Variants in DMGDH observed in about 807,000 individuals in gnomAD.
DMGDH encodes dimethylglycine dehydrogenase, also known as dimethylglycine dehydrogenase, mitochondrial.
DMGDH carries 76 observed loss-of-function variants against 95.2 expected under a neutral mutation model. The ratio of observed to expected loss-of-function variants is 0.80; its 90% CI spans 0.66 to 0.97. The LOEUF is 0.97. Ranked by LOEUF, DMGDH falls within the 50% of genes least tolerant of loss-of-function variation. The pLI, the probability that DMGDH is intolerant of heterozygous loss-of-function variation, is 0.00. For synonymous variants in DMGDH, 345 were observed against 377.6 expected, an observed-to-expected ratio of 0.91 and a Z score of 1.00; for missense variants, 987 against 1,055.0, an observed-to-expected ratio of 0.94 and a Z score of 0.89.
chr5:79,054,340 T>TCCCAC lies in DMGDH; in HGVS notation c.379_383dup (p.Phe129TrpfsTer16). ...GTCTGATACTACCTGGCTGATGGAATCCCACCACCTGTGACAATAATTCCA... is the reference window on the plus strand; with the variant it reads ...GTCTGATACTACCTGGCTGATGGAATCCCACCCCACCACCTGTGACAATAATTCCA... On this transcript the variant is annotated frameshift_variant, in exon 4 of 16. Coordinates refer to ENST00000255189, the MANE Select transcript of DMGDH (RefSeq NM_013391.3). LOFTEE classifies it high-confidence loss of function. The TCCCAC allele has an allele frequency of 6.2e-7, 1 of 1,614,058 alleles. No homozygotes were observed. Among genetic ancestry groups the TCCCAC allele is most frequent in the Middle Eastern group, 1.6e-4 (1 of 6,062 alleles).
At chr5:79,035,149 C>G (rs1754311906) in intron 7 of DMGDH, among the ~76,000 whole-genome samples, 1 of 151,568 alleles carries the variant, frequency 6.6e-6, no homozygotes, top group Admixed American at 6.6e-5. Flanking sequence ...ATGGGGCATC[C>G]AAGTTATCCA....
chr5:79,055,758 CAT>C lies in DMGDH; in HGVS notation c.375+50_375+51del, dbSNP rs3215302. On this transcript the variant is annotated intron_variant, in intron 3 of 15. Transcript: ENST00000255189. ...GCATCAAAATCCTTCAGAAATCTTACATGTTTCTGAGAAGCCGACCTAACAGA... is the reference window on the plus strand; with the variant it reads ...GCATCAAAATCCTTCAGAAATCTTACGTTTCTGAGAAGCCGACCTAACAGA... The C allele has an allele frequency of 0.039, 46,264 of 1,194,552 alleles. 2,688 individuals carry two copies. Among genetic ancestry groups the C allele is most frequent in the African/African-American group, 0.18 (12,310 of 67,140 alleles). The allele number at this position is 1,194,552 out of a possible 1,614,324, so 74.0% of individuals were successfully genotyped here. A position where few individuals can be genotyped will look rare whatever the true frequency, so the allele number is the denominator to read the frequency against.
rs1187567198 is a variant in DMGDH at position 79,055,857 on chromosome 5, A to G, written c.328T>C (p.Tyr110His). 1.2e-5 allele frequency: 19 copies of G among 1,612,720 alleles called. No homozygotes were observed. Among genetic ancestry groups the G allele is most frequent in the Non-Finnish European group, 1.6e-5 (19 of 1,178,746 alleles). Reference sequence around the variant, plus strand: ...TTCTCATAAAGTTTGATGCTATCATAATGTATTTTCTTCAAGTTTATTCCA... The same window carrying G: ...TTCTCATAAAGTTTGATGCTATCATGATGTATTTTCTTCAAGTTTATTCCA... ...HPGINLKKIHYDSIKLYEKLE... is the reference protein window; with the variant it reads ...HPGINLKKIHHDSIKLYEKLE... Residue 110 changes from tyrosine to histidine, a missense_variant, in exon 3 of 16, where the codon TAT becomes CAT. Transcript: ENST00000255189.
At chr5:79,065,356 C>T (rs931048740) in intron 1 of DMGDH, among the ~76,000 whole-genome samples, 2 of 151,454 alleles carry the variant, frequency 1.3e-5, no homozygotes, top group African/African-American at 2.4e-5. Context: ...GGATTACAGA[C>T]ACGTACCACC....
At chr5:79,000,785 C>A in intron 15 of DMGDH, 1 of 634,820 alleles carries the variant, frequency 1.6e-6, no homozygotes, top group Non-Finnish European at 2.9e-6. Context: ...AGAAACTTAG[C>A]CTGGATCCCA....
At chr5:79,069,134 G>T (rs569827316) in intron 1 of DMGDH, among the ~76,000 whole-genome samples, 25 of 151,134 alleles carry the variant, frequency 1.7e-4, no homozygotes, top group African/African-American at 4.8e-4. Context: ...AAACTATGCA[G>T]CCATTAAAAG....
At chr5:79,063,015 C>G (rs186052796) in intron 2 of DMGDH, among the ~76,000 whole-genome samples, 1 of 152,186 alleles carries the variant, frequency 6.6e-6, no homozygotes, top group East Asian at 1.9e-4. Flanking sequence ...TCGCTTGAAC[C>G]TGGGAGGCGG....
chr5:79,012,598 A>G (rs1753663823), intron 14 of DMGDH, among the ~76,000 whole-genome samples: 1 of 152,238 alleles, frequency 6.6e-6, no homozygotes, highest in Non-Finnish European at 1.5e-5. Flanking sequence ...CCACCCTTGC[A>G]GCAGGCTTCT....
intron 6 of DMGDH, among the ~76,000 whole-genome samples, 154 bp from the exon 7 acceptor site, chr5:79,042,635 A>G (rs571305712): frequency 2.0e-5 from 3 of 152,338 alleles, no homozygotes; most frequent in Admixed American, 2.0e-4. Flanking sequence ...ATTCCCTATC[A>G]ACAGATGAGT....
At chr5:79,067,072 C>A (rs561157798) in intron 1 of DMGDH, among the ~76,000 whole-genome samples, 5 of 152,130 alleles carry the variant, frequency 3.3e-5, no homozygotes, top group Non-Finnish European at 7.4e-5. Context: ...GGTTTCTAAT[C>A]CATTACTAGT....
At chr5:79,057,833 A>G (rs1335062241) in intron 2 of DMGDH, among the ~76,000 whole-genome samples, 3 of 152,178 alleles carry the variant, frequency 2.0e-5, no homozygotes, top group Non-Finnish European at 4.4e-5. Context: ...TCTGGTCATC[A>G]CAAGCACTGG....
At chr5:79,035,189 A>G (rs1026869151) in intron 7 of DMGDH, among the ~76,000 whole-genome samples, 2 of 152,226 alleles carry the variant, frequency 1.3e-5, no homozygotes, top group Non-Finnish European at 2.9e-5. Flanking sequence ...TTAAGAAAGC[A>G]AGAAAAATTA....
chr5:79,055,407 G>A (rs1754998458), intron 3 of DMGDH, among the ~76,000 whole-genome samples: 1 of 152,080 alleles, frequency 6.6e-6, no homozygotes, highest in African/African-American at 2.4e-5. Flanking sequence ...ATATGAGAAG[G>A]GATAAACATG....
chr5:79,066,121 TATTTAA>T (rs1755372357), intron 1 of DMGDH, among the ~76,000 whole-genome samples: 1 of 152,214 alleles, frequency 6.6e-6, no homozygotes, highest in African/African-American at 2.4e-5. Context: ...CTATAGTCCA[TATTTAA>T]ATTTAATCAA....
At chr5:79,034,157 G>A (rs1290583318) in intron 7 of DMGDH, among the ~76,000 whole-genome samples, 1 of 152,026 alleles carries the variant, frequency 6.6e-6, no homozygotes, top group African/African-American at 2.4e-5. Context: ...TATGTACTGT[G>A]GTGTCCCATC....
intron 14 of DMGDH, among the ~76,000 whole-genome samples, chr5:79,017,914 G>T (rs183834457): frequency 6.6e-6 from 1 of 152,162 alleles, no homozygotes; most frequent in African/African-American, 2.4e-5. Flanking sequence ...AATCCTCCAG[G>T]TATACCAAGA....
intron 2 of DMGDH, among the ~76,000 whole-genome samples, chr5:79,056,738 C>T (rs1755043085): frequency 6.6e-6 from 1 of 151,776 alleles, no homozygotes; most frequent in Admixed American, 6.6e-5. Flanking sequence ...GCCTGCAGTC[C>T]CAGCTACTTG....
At chr5:79,049,636 T>C (rs1394942994) in intron 5 of DMGDH, among the ~76,000 whole-genome samples, 1 of 152,192 alleles carries the variant, frequency 6.6e-6, no homozygotes, top group Non-Finnish European at 1.5e-5. Flanking sequence ...TAGAAAAAAG[T>C]CTGAATTATT....
chr5:79,033,077 A>C (rs1754236047), intron 8 of DMGDH, among the ~76,000 whole-genome samples, 162 bp downstream of exon 8: 2 of 152,242 alleles, frequency 1.3e-5, no homozygotes, highest in South Asian at 4.1e-4. Context: ...TGTTAAATAT[A>C]TACATCCATA....
Sources: allele counts gnomAD v4.1 joint callset (sites outside exome capture counted in the v4.1 genomes callset), GRCh38; gene constraint gnomAD v4.1.1; transcripts MANE v1.5; gene names NCBI Gene and HGNC (gene_info 2026-07-23, HGNC 2026-07-21).